ITGA11: variants seen among roughly 807,000 people sequenced by gnomAD.
ITGA11 encodes integrin alpha-11.
Under a neutral mutation model 141.9 loss-of-function variants are expected in ITGA11, and 97 were observed. The observed-to-expected ratio is 0.68, with a 90% confidence interval of 0.58 to 0.81. The LOEUF is 0.81. ITGA11 is among the 30% of genes least tolerant of loss of function. The pLI, the probability that ITGA11 is intolerant of heterozygous loss-of-function variation, is 0.00. For synonymous variants in ITGA11, 658 were observed against 624.6 expected, an observed-to-expected ratio of 1.05 and a Z score of -0.80; for missense variants, 1,387 against 1,559.2, an observed-to-expected ratio of 0.89 and a Z score of 1.86.
intron 10 of ITGA11, among the ~76,000 whole-genome samples, chr15:68,345,035 CAG>C (rs1894700516): frequency 6.6e-6 from 1 of 152,004 alleles, no homozygotes; most frequent in South Asian, 2.1e-4. Context: ...CATGGGATTA[CAG>C]AGTCTTAGAG....
intron 2 of ITGA11, among the ~76,000 whole-genome samples, chr15:68,402,231 C>A (rs1017051971): frequency 6.6e-6 from 1 of 151,980 alleles, no homozygotes; most frequent in Non-Finnish European, 1.5e-5. Context: ...CAGCTAAAAA[C>A]CAAGTGGGGA....
chr15:68,391,460 ACAGT>A (rs1896119910), intron 2 of ITGA11, among the ~76,000 whole-genome samples: 2 of 152,318 alleles, frequency 1.3e-5, no homozygotes, highest in African/African-American at 4.8e-5. Context: ...GACCCCAGGC[ACAGT>A]GATTTCTCCT....
intron 2 of ITGA11, among the ~76,000 whole-genome samples, chr15:68,387,528 C>T (rs1354276278): frequency 6.6e-6 from 1 of 152,178 alleles, no homozygotes; most frequent in African/African-American, 2.4e-5. Context: ...GGGATGCACG[C>T]TAAGGTTTGA....
Position 68,298,718 on chromosome 15 carries a change from C to G in ITGA11, c.*4341G>C, listed in dbSNP as rs1175295541. 6.6e-6 allele frequency: 1 copy of G among 152,174 alleles called. No homozygotes were observed. The highest frequency in any genetic ancestry group is 1.5e-5 in the Non-Finnish European group (1 of 68,030). The allele number at this position is 152,174 out of a possible 1,614,324, so 9.4% of individuals were successfully genotyped here. On this transcript the variant is annotated 3_prime_UTR_variant, in exon 30 of 30. Transcript: ENST00000315757. The stretch of plus-strand genomic sequence containing the variant: ...TGAAATTTGATTTTCTGTATTTCCT[C>G]TAATTTTCCAAATAAAAAAATTTTT...
chr15:68,314,260 C>T (rs922585545), intron 22 of ITGA11, among the ~76,000 whole-genome samples: 13 of 152,152 alleles, frequency 8.5e-5, no homozygotes, highest in South Asian at 2.1e-4. Flanking sequence ...GCTGTGCCCA[C>T]GGAGGAGGGA....
chr15:68,390,487 T>C (rs1896090940), intron 2 of ITGA11, among the ~76,000 whole-genome samples: 1 of 152,104 alleles, frequency 6.6e-6, no homozygotes, highest in South Asian at 2.1e-4. Flanking sequence ...CAGCGGATCC[T>C]TGGGGGGTTA....
chr15:68,362,651 A>G (rs1264844400), intron 4 of ITGA11, among the ~76,000 whole-genome samples: 1 of 151,758 alleles, frequency 6.6e-6, no homozygotes, highest in Non-Finnish European at 1.5e-5. Context: ...ATGGATGATG[A>G]ATGGATGGAT....
intron 2 of ITGA11, among the ~76,000 whole-genome samples, chr15:68,398,219 G>T (rs1400525164): frequency 1.3e-5 from 2 of 151,782 alleles, no homozygotes; most frequent in East Asian, 3.9e-4. Context: ...AAATTGGATA[G>T]AGTCAAGACC....
rs540224095 is a variant in ITGA11, at chr15:68,394,946, C to T, written c.164+7972G>A. ...CAAGATGGCCGAATAGGAACAGCTC[C>T]AGTCTGCAGCTCCCAGCATGATCGA... On this transcript the variant is annotated intron_variant, in intron 2 of 29. Transcript: ENST00000315757. Among the ~76,000 whole-genome samples, 10 of 152,258 alleles carry T rather than the reference C, an allele frequency of 6.6e-5. No individual in the cohort carries two copies. In the South Asian group the frequency reaches 1.7e-3, roughly 25 times the overall value.
intron 1 of ITGA11, among the ~76,000 whole-genome samples, chr15:68,413,191 G>C (rs1231428050): frequency 1.3e-5 from 2 of 152,120 alleles, no homozygotes; most frequent in African/African-American, 4.8e-5. Context: ...GAAACCTTAG[G>C]GTTTCCTGGA....
In ITGA11 at chr15:68,351,420, G is replaced by A. The variant is rs752513455; in HGVS notation, c.750-18C>T. On this transcript the variant is annotated intron_variant, in intron 7 of 29. Coordinates refer to ENST00000315757, the MANE Select transcript of ITGA11 (RefSeq NM_001004439.2). ...CCTCTGAGCTGGAAGCCAAGCACAG[G>A]GGCAGGGTCATGAAAGGTAAGTGGG... is the stretch of plus-strand genomic sequence containing the variant. 1 of 1,612,718 alleles carries A rather than the reference G, an allele frequency of 6.2e-7. No homozygotes were observed. The highest frequency in any genetic ancestry group is 8.5e-7 in the Non-Finnish European group (1 of 1,179,496).
chr15:68,404,799 G>A (rs1018008252), intron 1 of ITGA11, among the ~76,000 whole-genome samples: 36 of 152,278 alleles, frequency 2.4e-4, no homozygotes, highest in Non-Finnish European at 4.6e-4. Flanking sequence ...ATCTTGCCAC[G>A]AGCCAAAACT....
At chr15:68,313,621 ACT>A (rs1053048444) in intron 23 of ITGA11, among the ~76,000 whole-genome samples, 156 bp downstream of exon 23, 2 of 151,014 alleles carry the variant, frequency 1.3e-5, no homozygotes, top group Non-Finnish European at 3.0e-5. Flanking sequence ...GGGGTGCTGC[ACT>A]CTCTGACCCA....
At chr15:68,425,207 G>A (rs1419574894) in intron 1 of ITGA11, among the ~76,000 whole-genome samples, 6 of 152,208 alleles carry the variant, frequency 3.9e-5, no homozygotes, top group African/African-American at 1.4e-4. Context: ...AGAGCCATGT[G>A]AGCAGGGCCG....
At chr15:68,381,485 T>C (rs1895859670) in intron 2 of ITGA11, among the ~76,000 whole-genome samples, 1 of 152,136 alleles carries the variant, frequency 6.6e-6, no homozygotes, top group African/African-American at 2.4e-5. Context: ...GTTTATTAGG[T>C]ACCAGGGATT....
At chr15:68,393,923 G>A (rs1424952739) in intron 2 of ITGA11, among the ~76,000 whole-genome samples, 1 of 152,194 alleles carries the variant, frequency 6.6e-6, no homozygotes, top group Non-Finnish European at 1.5e-5. Context: ...CAAAGGACAG[G>A]ACAGGGGACT....
chr15:68,365,176 G>C lies in ITGA11; in HGVS notation c.266-378C>G, dbSNP rs559245924. The C allele has an allele frequency of 2.8e-4, 271 of 985,366 alleles. 1 individual carries two copies. In the African/African-American group the frequency reaches 4.4e-3, roughly 16 times the overall value. The allele number at this position is 985,366 out of a possible 1,614,324, so 61.0% of individuals were successfully genotyped here. A position where few individuals can be genotyped will look rare whatever the true frequency, so the allele number is the denominator to read the frequency against. ...CTGGCTTCCTTTGTGCAGTATCCCC[G>C]CTACGCTTTCTTCCAAGTTGACCCC... On this transcript the variant is annotated intron_variant, in intron 3 of 29. Coordinates refer to ENST00000315757, the MANE Select transcript of ITGA11 (RefSeq NM_001004439.2).
rs780721128 is a variant in ITGA11, at chr15:68,328,832, C to G, written c.1902-570G>C. ...TGATGTGAACGTTCCATGGACCACA[C>G]TTCGAAGAGCGAGGCGTTAAAGCAC... On this transcript the variant is annotated intron_variant, in intron 15 of 29. Transcript: ENST00000315757. The surrounding 1 kb of genome is among the most constrained non-coding windows in gnomAD (Gnocchi z 4.8). Among the ~76,000 whole-genome samples, 13 of 152,162 alleles carry G rather than the reference C, an allele frequency of 8.5e-5. No individual in the cohort carries two copies. Among genetic ancestry groups the G allele is most frequent in the Non-Finnish European group, 1.9e-4 (13 of 68,022 alleles).
At chr15:68,309,661 C>G (rs1249917509) in intron 26 of ITGA11, among the ~76,000 whole-genome samples, 1 of 140,904 alleles carries the variant, frequency 7.1e-6, no homozygotes, top group Non-Finnish European at 1.5e-5. Context: ...GTGGCGCCAA[C>G]TTGGCTCATT....
Sources: allele counts gnomAD v4.1 joint callset (sites outside exome capture counted in the v4.1 genomes callset), GRCh38; gene constraint gnomAD v4.1.1; non-coding constraint Gnocchi (gnomAD v3.1); transcripts MANE v1.5; gene names NCBI Gene and HGNC (gene_info 2026-07-23, HGNC 2026-07-21).